Variants in DNER observed in about 807,000 individuals in gnomAD.
The protein encoded by DNER is delta and Notch-like epidermal growth factor-related receptor.
DNER carries 33 observed loss-of-function variants against 78.2 expected under a neutral mutation model. That is an observed-to-expected ratio of 0.42 (90% CI 0.32 to 0.56). The LOEUF (loss-of-function observed/expected upper bound fraction) is 0.56. Among genes scored for constraint, DNER ranks in the 20% least tolerant of loss-of-function variants. The pLI is 0.11. For missense variants in DNER, 918 were observed against 975.3 expected (o/e 0.94, Z 0.78); for synonymous variants, 417 against 384.8 (o/e 1.08, Z -0.98).
At chr2:229,509,168 A>G (rs1365197607) in intron 6 of DNER, among the ~76,000 whole-genome samples, 1 of 152,192 alleles carries the variant, frequency 6.6e-6, no homozygotes, top group Non-Finnish European at 1.5e-5. Context: ...TGTGCACATA[A>G]AATCCTTTAA....
At chr2:229,637,342 C>CTTTA (rs905398810) in intron 1 of DNER, among the ~76,000 whole-genome samples, 5 of 152,142 alleles carry the variant, frequency 3.3e-5, no homozygotes, top group Non-Finnish European at 5.9e-5. Flanking sequence ...ATTAAATATG[C>CTTTA]TTTAGTCTTT....
At chr2:229,416,686 G>A (rs532994399) in intron 9 of DNER, among the ~76,000 whole-genome samples, 142 of 152,250 alleles carry the variant, frequency 9.3e-4, no homozygotes, top group African/African-American at 3.3e-3. Context: ...TGTTCATTGA[G>A]TCATCAGTTC....
chr2:229,438,045 G>T (rs889690195), intron 8 of DNER, among the ~76,000 whole-genome samples: 11 of 152,274 alleles, frequency 7.2e-5, no homozygotes, highest in African/African-American at 2.4e-4. Context: ...CATCCGGCAG[G>T]CATCAAATCA....
intron 8 of DNER, among the ~76,000 whole-genome samples, chr2:229,426,790 C>T (rs1185137206): frequency 2.6e-5 from 4 of 152,202 alleles, no homozygotes; most frequent in South Asian, 2.1e-4. Context: ...CTCGTTTAAA[C>T]GAACCTGCTG....
At chr2:229,492,885 G>C (rs1291293949) in intron 6 of DNER, among the ~76,000 whole-genome samples, 1 of 152,046 alleles carries the variant, frequency 6.6e-6, no homozygotes, top group Non-Finnish European at 1.5e-5. Flanking sequence ...TGCCCAGACT[G>C]GTCTCAAACT....
intron 8 of DNER, among the ~76,000 whole-genome samples, chr2:229,442,377 T>A (rs996230783): frequency 2.6e-5 from 4 of 151,858 alleles, no homozygotes; most frequent in Non-Finnish European, 5.9e-5. Flanking sequence ...TAGCTGGTTG[T>A]GGTGGTGGGT....
In DNER at chr2:229,678,545, G is replaced by T. The variant is rs180833205; in HGVS notation, c.276+35603C>A. On this transcript the variant is annotated intron_variant, in intron 1 of 12. Transcript: ENST00000341772. ...AAGTCAGGTAAGTATAGTCAAAAAG[G>T]TTTGGCAGATGAGGTTGAGGAAGCC... Among the ~76,000 whole-genome samples the T allele has an allele frequency of 1.9e-3, 295 of 152,332 alleles. 1 individual carries two copies. The highest frequency in any genetic ancestry group is 6.9e-3 in the African/African-American group (287 of 41,576).
intron 1 of DNER, among the ~76,000 whole-genome samples, chr2:229,672,136 G>T (rs1318708640): frequency 1.3e-5 from 2 of 152,180 alleles, no homozygotes; most frequent in Non-Finnish European, 1.5e-5. Context: ...GTAATCTGGG[G>T]TCAGGGGCTC....
At chr2:229,651,847 A>G (rs533529602) in intron 1 of DNER, among the ~76,000 whole-genome samples, 1 of 152,232 alleles carries the variant, frequency 6.6e-6, no homozygotes, top group African/African-American at 2.4e-5. Context: ...ATGATCCGTC[A>G]GAACAACCCT....
intron 6 of DNER, among the ~76,000 whole-genome samples, chr2:229,486,018 C>A (rs1007940797): frequency 2.0e-5 from 3 of 152,102 alleles, no homozygotes; most frequent in Non-Finnish European, 4.4e-5. Flanking sequence ...ACCAAGAGAA[C>A]CCACCAGTCT....
At chr2:229,708,139 G>A (rs554064257) in intron 1 of DNER, among the ~76,000 whole-genome samples, 4 of 152,348 alleles carry the variant, frequency 2.6e-5, no homozygotes, top group African/African-American at 9.6e-5. Flanking sequence ...TTTCCAGGCT[G>A]TGAGCCTGGC....
At chr2:229,684,450 C>T (rs1559208569) in intron 1 of DNER, among the ~76,000 whole-genome samples, 1 of 151,988 alleles carries the variant, frequency 6.6e-6, no homozygotes, top group Non-Finnish European at 1.5e-5. Flanking sequence ...TACATGCTCA[C>T]CCTGGACAAT....
At chr2:229,541,761 C>T (rs1022093100) in intron 5 of DNER, among the ~76,000 whole-genome samples, 14 of 151,696 alleles carry the variant, frequency 9.2e-5, no homozygotes, top group Non-Finnish European at 1.9e-4. Flanking sequence ...CCTGAGTCTC[C>T]AGTCTATAGG....
chr2:229,546,951 GAC>G lies in DNER; in HGVS notation c.987_988del (p.Ser330ArgfsTer9), dbSNP rs762873831. On this transcript the variant is annotated frameshift_variant, in exon 5 of 13. Coordinates refer to ENST00000341772, the MANE Select transcript of DNER (RefSeq NM_139072.4). LOFTEE classifies it high-confidence loss of function. ...AGCTACCAGGCATCCCCTTACCTCTGACGGCTTCGTGGTGCATTTTCCTTTTC... is the reference window on the plus strand; with the variant it reads ...AGCTACCAGGCATCCCCTTACCTCTGGGCTTCGTGGTGCATTTTCCTTTTC... 1 of 1,614,120 alleles carries G rather than the reference GAC, an allele frequency of 6.2e-7. No homozygotes were observed. The highest frequency in any genetic ancestry group is 1.1e-5 in the South Asian group (1 of 91,062).
At chr2:229,535,832 C>G (rs1460459527) in intron 5 of DNER, among the ~76,000 whole-genome samples, 1 of 152,002 alleles carries the variant, frequency 6.6e-6, no homozygotes, top group Admixed American at 6.5e-5. Context: ...TTAGTTGAGA[C>G]GGGGTTTCAC....
chr2:229,522,434 T>C (rs1261110262), intron 5 of DNER, among the ~76,000 whole-genome samples: 4 of 152,238 alleles, frequency 2.6e-5, no homozygotes, highest in Non-Finnish European at 4.4e-5. Context: ...CGCAACGTTC[T>C]AATCCATTAA....
chr2:229,505,177 AGTGT>A (rs144321798), intron 6 of DNER, among the ~76,000 whole-genome samples: 1,678 of 126,506 alleles, frequency 0.013, 14 homozygotes, highest in Non-Finnish European at 0.016. Context: ...GTGTTGCTGC[AGTGT>A]GTGTGTGTGT....
At chr2:229,555,881 TAAC>T (rs1696847200) in intron 4 of DNER, among the ~76,000 whole-genome samples, 1 of 152,204 alleles carries the variant, frequency 6.6e-6, no homozygotes, top group Non-Finnish European at 1.5e-5. Context: ...TTATTCCAAG[TAAC>T]ACTTTTACGC....
At chr2:229,381,608 T>G (rs1185634377) in intron 11 of DNER, among the ~76,000 whole-genome samples, 1 of 152,046 alleles carries the variant, frequency 6.6e-6, no homozygotes, top group South Asian at 2.1e-4. Flanking sequence ...GCGTCCACCA[T>G]TACTGAGGCT....
Sources: gnomAD v4.1 joint callset for allele counts (sites outside exome capture counted in the v4.1 genomes callset) on GRCh38, gnomAD v4.1.1 for gene constraint, MANE v1.5 for transcripts, NCBI Gene and HGNC (gene_info 2026-07-23, HGNC 2026-07-21) for gene names.